AP2B1: variants seen among roughly 807,000 people sequenced by gnomAD.
AP2B1 encodes the protein AP-2 complex subunit beta.
AP2B1 carries 23 observed loss-of-function variants against 102.0 expected under a neutral mutation model. The ratio of observed to expected loss-of-function variants is 0.23; its 90% CI spans 0.16 to 0.32. The LOEUF (loss-of-function observed/expected upper bound fraction) is 0.32, where lower values mean the gene tolerates loss of function less well. AP2B1 is among the 10% of genes least tolerant of loss of function. The pLI, the probability that AP2B1 is intolerant of heterozygous loss-of-function variation, is 1.00. For missense variants in AP2B1, 541 were observed against 1,157.4 expected (o/e 0.47, Z 7.73); for synonymous variants, 381 against 421.2 (o/e 0.90, Z 1.17).
rs757461320 is a variant in AP2B1 at position 35,650,479 on chromosome 17, T to C, written c.1537-51T>C. On this transcript the variant is annotated intron_variant, in intron 12 of 21. Transcript: ENST00000610402. ...TGATAAATCCAGCAGTTTGGGTTTCTGTATGGAGAACAGTTTCATCTCCAC... is the reference window on the plus strand; with the variant it reads ...TGATAAATCCAGCAGTTTGGGTTTCCGTATGGAGAACAGTTTCATCTCCAC... 6.3e-6 allele frequency: 10 copies of C among 1,588,736 alleles called. No individual in the cohort carries two copies. In the East Asian group the frequency reaches 2.2e-4, roughly 36 times the overall value.
At position 35,692,047 on chromosome 17, in the gene AP2B1, C is replaced by T. The variant is rs1440883743; in HGVS notation, c.2454+9223C>T. Reference sequence around the variant, plus strand: ...TCTTTCTGTAACCAGCACTCAACTACTGGTTTCTGGGATCTTTTAGCAGTA... The same window carrying T: ...TCTTTCTGTAACCAGCACTCAACTATTGGTTTCTGGGATCTTTTAGCAGTA... On this transcript the variant is annotated intron_variant, in intron 18 of 21. Coordinates refer to ENST00000610402, the MANE Select transcript of AP2B1 (RefSeq NM_001030006.2). 3.3e-5 allele frequency among the ~76,000 whole-genome samples: 5 copies of T among 152,166 alleles called. No individual in the cohort carries two copies. In the South Asian group the frequency reaches 6.2e-4, roughly 19 times the overall value.
chr17:35,588,877 G>A (rs991247488), intron 1 of AP2B1: 1 of 152,164 alleles, frequency 6.6e-6, no homozygotes, highest in African/African-American at 2.4e-5. Context: ...GAAACTCAAG[G>A]AAGTCCAGTT....
chr17:35,627,882 C>T (rs542490950), intron 9 of AP2B1, among the ~76,000 whole-genome samples, 156 bp downstream of exon 9: 1 of 152,302 alleles, frequency 6.6e-6, no homozygotes, highest in Admixed American at 6.5e-5. Flanking sequence ...TCTGGTTCCT[C>T]CCTTCCCTAC....
intron 9 of AP2B1, among the ~76,000 whole-genome samples, chr17:35,633,265 C>T (rs1362891484): frequency 6.6e-6 from 1 of 150,694 alleles, no homozygotes; most frequent in Non-Finnish European, 1.5e-5. Flanking sequence ...GAGGCTGAGG[C>T]AGGAGAATCA....
chr17:35,622,907 C>T (rs560584953), intron 5 of AP2B1, among the ~76,000 whole-genome samples: 9 of 152,194 alleles, frequency 5.9e-5, no homozygotes, highest in East Asian at 5.8e-4. Context: ...CTAAGTGATC[C>T]GCCCATCTCA....
intron 10 of AP2B1, among the ~76,000 whole-genome samples, chr17:35,638,671 C>G (rs1428928868): frequency 1.3e-5 from 2 of 151,774 alleles, no homozygotes; most frequent in Non-Finnish European, 2.9e-5. Context: ...CACCTGTAGT[C>G]CCAGCTACTC....
At position 35,624,416 on chromosome 17, in the gene AP2B1, C is replaced by T. The variant is rs763030515; in HGVS notation, c.545C>T (p.Ala182Val). The change falls in exon 6 of 22, where the codon GCG becomes GTG. Residue 182 changes from alanine to valine, a missense_variant. This residue lies in a region of AP2B1 where 134 missense variants were observed against 250.2 expected (regional missense o/e 0.54). Transcript: ENST00000610402. ...SNPMVVANAV[A>V]ALSEISESHP... is the part of the protein sequence containing the mutation. ...TTCCAGGTGGTGGCTAATGCCGTAGCGGCATTATCTGAAATCAGTGAGTCT... is the reference window on the plus strand; with the variant it reads ...TTCCAGGTGGTGGCTAATGCCGTAGTGGCATTATCTGAAATCAGTGAGTCT... 3.7e-6 allele frequency: 6 copies of T among 1,614,012 alleles called. No individual in the cohort carries two copies. The highest frequency in any genetic ancestry group is 1.1e-5 in the South Asian group (1 of 91,056).
At chr17:35,691,406 C>T (rs755530535) in intron 18 of AP2B1, among the ~76,000 whole-genome samples, 1 of 152,168 alleles carries the variant, frequency 6.6e-6, no homozygotes, top group Non-Finnish European at 1.5e-5. Flanking sequence ...GCTATTGTAC[C>T]AGAAAAACTG....
At chr17:35,707,134 C>CTTATTG (rs1555585279) in intron 18 of AP2B1, among the ~76,000 whole-genome samples, 4 of 150,866 alleles carry the variant, frequency 2.7e-5, no homozygotes, top group Non-Finnish European at 5.9e-5. Context: ...TGGTACATCC[C>CTTATTG]TTGTTGTTGT....
chr17:35,711,396 G>C (rs1447778066), intron 20 of AP2B1, among the ~76,000 whole-genome samples: 1 of 149,724 alleles, frequency 6.7e-6, no homozygotes, highest in Non-Finnish European at 1.5e-5. Context: ...GAGGCAACAC[G>C]GCAGCACAGA....
chr17:35,711,613 C>T (rs587595673), intron 20 of AP2B1, among the ~76,000 whole-genome samples: 6 of 152,142 alleles, frequency 3.9e-5, no homozygotes, highest in East Asian at 1.9e-4. Flanking sequence ...GGACTACAGG[C>T]GCCAGCCACC....
intron 18 of AP2B1, among the ~76,000 whole-genome samples, chr17:35,697,160 A>G (rs1268544923): frequency 1.3e-5 from 2 of 152,212 alleles, no homozygotes; most frequent in East Asian, 3.9e-4. Flanking sequence ...CCTGGTCCCA[A>G]GTTTAATCTG....
chr17:35,624,727 G>T, intron 6 of AP2B1, 140 bp downstream of exon 6: 2 of 688,028 alleles, frequency 2.9e-6, no homozygotes, highest in South Asian at 2.5e-5. Flanking sequence ...TTTTCTCTCT[G>T]GATTTAGGAA....
chr17:35,629,529 TATGA>T (rs60579600), intron 9 of AP2B1, among the ~76,000 whole-genome samples: 1,948 of 152,302 alleles, frequency 0.013, 46 homozygotes, highest in African/African-American at 0.045. Flanking sequence ...TCTCTGAGGA[TATGA>T]ATGATTCGTT....
intron 14 of AP2B1, among the ~76,000 whole-genome samples, chr17:35,668,585 C>T (rs1296471355): frequency 3.3e-5 from 5 of 152,114 alleles, no homozygotes; most frequent in Non-Finnish European, 7.3e-5. Context: ...AAGAAACCTC[C>T]AGGTTTTTAT....
chr17:35,589,364 T>C (rs2073008977), intron 1 of AP2B1, among the ~76,000 whole-genome samples: 1 of 152,228 alleles, frequency 6.6e-6, no homozygotes, highest in African/African-American at 2.4e-5. Flanking sequence ...AAAGTCCCAC[T>C]TTGTGAAAAG....
chr17:35,713,877 C>G (rs1555588713), intron 20 of AP2B1: 1 of 152,210 alleles, frequency 6.6e-6, no homozygotes, highest in African/African-American at 2.4e-5. Context: ...TAACAGAAGT[C>G]TCTCCTTTCT....
At chr17:35,720,541 TTA>T (rs1489853716) in intron 21 of AP2B1, among the ~76,000 whole-genome samples, 2 of 105,254 alleles carry the variant, frequency 1.9e-5, no homozygotes, top group Admixed American at 1.0e-4. Flanking sequence ...TATTTTTATT[TTA>T]TTTATATATA....
intron 6 of AP2B1, among the ~76,000 whole-genome samples, chr17:35,625,971 A>G (rs2074302914): frequency 6.6e-6 from 1 of 152,200 alleles, no homozygotes; most frequent in Non-Finnish European, 1.5e-5. Context: ...CCCTCAACAG[A>G]TAATTAAATA....
Sources: gnomAD v4.1 joint callset for allele counts (sites outside exome capture counted in the v4.1 genomes callset) on GRCh38, gnomAD v4.1.1 for gene constraint, gnomAD v4.1.1 regional missense constraint, MANE v1.5 for transcripts, NCBI Gene and HGNC (gene_info 2026-07-23, HGNC 2026-07-21) for gene names.